The following LARGE1 variants were observed in gnomAD, a reference collection of about 807,000 sequenced individuals.
The protein encoded by LARGE1 is xylosyl- and glucuronyltransferase LARGE1.
A neutral mutation model predicts 87.6 loss-of-function variants in LARGE1; 43 were observed. That is an observed-to-expected ratio of 0.49 (90% CI 0.38 to 0.63). LARGE1 has a LOEUF of 0.63. LARGE1 is among the 30% of genes least tolerant of loss of function. The pLI, the probability that LARGE1 is intolerant of heterozygous loss-of-function variation, is 0.00. For missense variants in LARGE1, 802 were observed against 1,000.2 expected (o/e 0.80, Z 2.67); for synonymous variants, 434 against 394.6 (o/e 1.10, Z -1.18).
In LARGE1 at chr22:33,708,186, G is replaced by A. The variant is rs552002890; in HGVS notation, c.106+53185C>T. Among the ~76,000 whole-genome samples, 16 of 151,910 alleles carry A rather than the reference G, an allele frequency of 1.1e-4. No individual in the cohort carries two copies. In the South Asian group the frequency reaches 1.9e-3, roughly 18 times the overall value. On this transcript the variant is annotated intron_variant, in intron 2 of 14. Transcript: ENST00000397394. ...GTTTTCAACCAAGCTTGGCACTGTC[G>A]TGAGTCCAGCCTCCACGGACTGAAT...
At chr22:33,342,510 C>A (rs1046108523) in intron 9 of LARGE1, among the ~76,000 whole-genome samples, 1 of 152,182 alleles carries the variant, frequency 6.6e-6, no homozygotes, top group South Asian at 2.1e-4. Context: ...TGGAAGTCAA[C>A]TCTGAAGCCC....
chr22:33,640,540 T>G (rs1372156940), intron 3 of LARGE1, among the ~76,000 whole-genome samples: 4 of 152,012 alleles, frequency 2.6e-5, no homozygotes, highest in Non-Finnish European at 5.9e-5. Flanking sequence ...CTGCAGGAGT[T>G]TTTTTTTCAT....
chr22:33,916,725 G>T, intron 1 of LARGE1, among the ~76,000 whole-genome samples: 1 of 152,080 alleles, frequency 6.6e-6, no homozygotes, highest in Non-Finnish European at 1.5e-5. Flanking sequence ...CCTTCATCTT[G>T]TTCACGGACC....
intron 6 of LARGE1, among the ~76,000 whole-genome samples, chr22:33,513,812 T>TACACACACACACATACACATACACAC (rs111795849): frequency 4.2e-5 from 6 of 143,178 alleles, no homozygotes; most frequent in African/African-American, 1.5e-4. Context: ...AGAGCTGATG[T>TACACACACACACATACACATACACAC]ACACACACAC....
intron 9 of LARGE1, among the ~76,000 whole-genome samples, chr22:33,344,494 A>T (rs9621682): frequency 0.21 from 32,468 of 152,024 alleles, 3,502 homozygotes; most frequent in Admixed American, 0.26. Flanking sequence ...AGTGGAAAGA[A>T]ACCAAGACCC....
At chr22:33,253,823 C>T (rs116269796) in intron 11 of LARGE1, among the ~76,000 whole-genome samples, 1,872 of 152,046 alleles carry the variant, frequency 0.012, 42 homozygotes, top group African/African-American at 0.042. Flanking sequence ...GGCTGGCATA[C>T]TTTGCCAAAG....
At chr22:33,616,272 T>C (rs2079577022) in intron 4 of LARGE1, among the ~76,000 whole-genome samples, 2 of 152,150 alleles carry the variant, frequency 1.3e-5, no homozygotes, top group Non-Finnish European at 2.9e-5. Context: ...TTTGGGAGGC[T>C]GAGGTGGGTG....
chr22:33,243,169 A>G (rs1926598973), intron 11 of LARGE1, among the ~76,000 whole-genome samples: 1 of 152,264 alleles, frequency 6.6e-6, no homozygotes, highest in South Asian at 2.1e-4. Context: ...AATTCAACCC[A>G]TAACAAGACA....
intron 7 of LARGE1, among the ~76,000 whole-genome samples, chr22:33,430,073 C>A (rs1253959006): frequency 6.6e-6 from 1 of 152,208 alleles, no homozygotes; most frequent in Non-Finnish European, 1.5e-5. Context: ...GCCCAGAATT[C>A]TCCATTGTTG....
chr22:33,159,118 C>T (rs73881975), downstream of LARGE1, among the ~76,000 whole-genome samples: 1,926 of 152,310 alleles, frequency 0.013, 31 homozygotes, highest in Admixed American at 0.052. Flanking sequence ...TTTCTTCTCT[C>T]TGCCCATCTG....
chr22:33,846,492 T>A (rs1180593568), intron 1 of LARGE1, among the ~76,000 whole-genome samples: 2 of 152,106 alleles, frequency 1.3e-5, no homozygotes, highest in Admixed American at 1.3e-4. Flanking sequence ...CAATATGAAA[T>A]CTGGGCACCT....
chr22:33,713,801 T>A (rs1468837188), intron 2 of LARGE1, among the ~76,000 whole-genome samples: 1 of 151,504 alleles, frequency 6.6e-6, no homozygotes. Context: ...TACAAAAAAT[T>A]TAATATTAGC....
chr22:33,778,408 G>A (rs2085315221), intron 1 of LARGE1, among the ~76,000 whole-genome samples: 1 of 152,078 alleles, frequency 6.6e-6, no homozygotes, highest in Admixed American at 6.5e-5. Context: ...TCACGATGTT[G>A]AGCAACCACT....
chr22:33,303,816 G>GGGGC (rs1555892186), intron 12 of LARGE1, among the ~76,000 whole-genome samples: 2 of 151,128 alleles, frequency 1.3e-5, no homozygotes, highest in South Asian at 2.1e-4. Context: ...GTAGGGGGGG[G>GGGGC]GTTTCACCAT....
At chr22:33,207,448 A>C (rs1330072747) in intron 11 of LARGE1, among the ~76,000 whole-genome samples, 3 of 152,302 alleles carry the variant, frequency 2.0e-5, no homozygotes, top group African/African-American at 4.8e-5. Context: ...GACTTCCTCC[A>C]AATATCTATT....
At chr22:33,772,675 C>G (rs750908599) in intron 1 of LARGE1, among the ~76,000 whole-genome samples, 19 of 152,060 alleles carry the variant, frequency 1.2e-4, no homozygotes, top group Non-Finnish European at 2.6e-4. Context: ...GTGCTGCGGT[C>G]ATTTTCTTCA....
At chr22:33,363,158 G>A (rs1478052872) in intron 9 of LARGE1, among the ~76,000 whole-genome samples, 1 of 149,994 alleles carries the variant, frequency 6.7e-6, no homozygotes, top group Non-Finnish European at 1.5e-5. Flanking sequence ...GACCAGGAGA[G>A]GCAGGGTCCC....
chr22:33,889,373 C>A (rs1391059469), intron 1 of LARGE1: 1 of 152,242 alleles, frequency 6.6e-6, no homozygotes, highest in Non-Finnish European at 1.5e-5. Context: ...TTTATGACAT[C>A]TTTTTCAATG....
At position 33,549,689 on chromosome 22, in the gene LARGE1, T is replaced by C. The variant is rs188609723; in HGVS notation, c.787+15159A>G. The stretch of plus-strand genomic sequence containing the variant: ...GAAGGGAAAGCAAGTCAGAAGCACA[T>C]AAAATAGGAGTTTAAGAAAAGTCAA... On this transcript the variant is annotated intron_variant, in intron 6 of 14. Coordinates refer to ENST00000397394, the MANE Select transcript of LARGE1 (RefSeq NM_133642.5). 3.2e-3 allele frequency among the ~76,000 whole-genome samples: 485 copies of C among 152,258 alleles called. 3 individuals are homozygous for C. Among genetic ancestry groups the C allele is most frequent in the African/African-American group, 0.011 (465 of 41,540 alleles).
Sources: allele counts gnomAD v4.1 joint callset (sites outside exome capture counted in the v4.1 genomes callset), GRCh38; gene constraint gnomAD v4.1.1; transcripts MANE v1.5; gene names NCBI Gene and HGNC (gene_info 2026-07-23, HGNC 2026-07-21).